Variants in RGS6 observed in about 807,000 individuals in gnomAD.
RGS6 encodes the protein regulator of G protein signaling 6.
RGS6 carries 30 observed loss-of-function variants against 78.5 expected under a neutral mutation model. That is an observed-to-expected ratio of 0.38 (90% CI 0.29 to 0.52). RGS6 has a LOEUF of 0.52. Ranked by LOEUF, RGS6 falls within the 20% of genes least tolerant of loss-of-function variation. The pLI is 0.85. For missense variants in RGS6, 495 were observed against 609.7 expected, an observed-to-expected ratio of 0.81 and a Z score of 1.98; for synonymous variants, 206 against 206.0, an observed-to-expected ratio of 1.00 and a Z score of 0.00.
Position 72,084,120 on chromosome 14 carries a change from A to G in RGS6, c.84+119245A>G, listed in dbSNP as rs142284053. Among the ~76,000 whole-genome samples, 5 of 152,234 alleles carry G rather than the reference A, an allele frequency of 3.3e-5. No individual in the cohort carries two copies. The South Asian group carries it at 6.2e-4, about 19-fold the overall frequency. ...CTAAGGACAAGTTTTGTGGAAGACA[A>G]TTTTTCCCTGGATCTTGAGGGGAGG... On this transcript the variant is annotated intron_variant, in intron 2 of 17. Coordinates refer to ENST00000553525, the MANE Select transcript of RGS6 (RefSeq NM_001204424.2).
At chr14:72,043,452 G>A (rs74063026) in intron 2 of RGS6, among the ~76,000 whole-genome samples, 6,647 of 149,780 alleles carry the variant, frequency 0.044, 181 homozygotes, top group African/African-American at 0.08. Flanking sequence ...CTCAGTTTTT[G>A]TTTGTATGAA....
At chr14:72,361,366 A>G (rs1234015519) in intron 3 of RGS6, among the ~76,000 whole-genome samples, 3 of 152,192 alleles carry the variant, frequency 2.0e-5, no homozygotes, top group African/African-American at 7.2e-5. Flanking sequence ...TAAGGATGAA[A>G]ACAAGAACAT....
intron 2 of RGS6, among the ~76,000 whole-genome samples, chr14:72,058,383 T>G (rs1452011960): frequency 1.3e-5 from 2 of 152,228 alleles, no homozygotes; most frequent in East Asian, 1.9e-4. Context: ...GCCTTTTTTT[T>G]GGTCATAAAA....
At chr14:72,614,410 A>G in the RGS6 span, among the ~76,000 whole-genome samples, 822 of 152,312 alleles carry the variant, frequency 5.4e-3, 12 homozygotes, top group African/African-American at 0.019. Context: ...CAGCAGGAAG[A>G]GGAGGAGCTC....
rs540891240 is a variant in RGS6 at position 72,080,611 on chromosome 14, C to A, written c.84+115736C>A. On this transcript the variant is annotated intron_variant, in intron 2 of 17. Coordinates refer to ENST00000553525, the MANE Select transcript of RGS6 (RefSeq NM_001204424.2). ...TATTGCCCAGACTAGTGTCTTGGAG[C>A]TTTTCCCCTGTGTTTTCTTCTAGTA... 1.6e-4 allele frequency among the ~76,000 whole-genome samples: 25 copies of A among 152,116 alleles called. 1 individual carries two copies. Among genetic ancestry groups the A allele is most frequent in the African/African-American group, 5.3e-4 (22 of 41,544 alleles).
chr14:71,893,156 G>A, the RGS6 span, among the ~76,000 whole-genome samples: 1 of 152,192 alleles, frequency 6.6e-6, no homozygotes, highest in Non-Finnish European at 1.5e-5. Flanking sequence ...GGTAGCATTT[G>A]AAAGTTCTAA....
chr14:71,907,811 G>C, the RGS6 span, among the ~76,000 whole-genome samples: 5 of 152,126 alleles, frequency 3.3e-5, no homozygotes, highest in Non-Finnish European at 7.4e-5. Flanking sequence ...AATCAACAGG[G>C]ATTGATGTTT....
intron 1 of RGS6, among the ~76,000 whole-genome samples, chr14:71,960,855 A>T (rs2093136117): frequency 6.6e-6 from 1 of 152,270 alleles, no homozygotes; most frequent in East Asian, 1.9e-4. Flanking sequence ...GCTTCTGCTC[A>T]TCTGTCACCT....
intron 2 of RGS6, among the ~76,000 whole-genome samples, chr14:71,984,151 G>C (rs2094580505): frequency 6.6e-6 from 1 of 152,090 alleles, no homozygotes; most frequent in Non-Finnish European, 1.5e-5. Flanking sequence ...TAGCTTGCTA[G>C]GTAAGTGGTA....
At chr14:72,455,334 T>C (rs1450117431) in intron 4 of RGS6, among the ~76,000 whole-genome samples, 1 of 152,222 alleles carries the variant, frequency 6.6e-6, no homozygotes, top group African/African-American at 2.4e-5. Context: ...TTAATGGACA[T>C]TGGCGTGATT....
chr14:72,530,071 C>A (rs1265282143), intron 15 of RGS6, among the ~76,000 whole-genome samples: 2 of 152,250 alleles, frequency 1.3e-5, no homozygotes, highest in Non-Finnish European at 2.9e-5. Flanking sequence ...ATGAACCAGG[C>A]TTTTCCCTCC....
upstream of RGS6, among the ~76,000 whole-genome samples, chr14:71,930,390 T>TTACA (rs2087787341): frequency 1.3e-5 from 2 of 152,248 alleles, no homozygotes; most frequent in South Asian, 4.2e-4. Flanking sequence ...CCTGTCTCTA[T>TTACA]TACATACATA....
chr14:71,915,460 T>C, the RGS6 span, among the ~76,000 whole-genome samples: 1 of 152,126 alleles, frequency 6.6e-6, no homozygotes, highest in Non-Finnish European at 1.5e-5. Context: ...GTGAGTTCCC[T>C]GGGTGGATTT....
chr14:72,220,680 C>T (rs1352943110), intron 2 of RGS6, among the ~76,000 whole-genome samples: 2 of 152,144 alleles, frequency 1.3e-5, no homozygotes, highest in South Asian at 2.1e-4. Context: ...AAAAATAAAA[C>T]AGGCTCAAGG....
chr14:72,067,107 T>G (rs1457576289), intron 2 of RGS6, among the ~76,000 whole-genome samples: 2 of 152,186 alleles, frequency 1.3e-5, no homozygotes, highest in African/African-American at 4.8e-5. Flanking sequence ...TTGTAAATAG[T>G]GCTGCAATAA....
intron 2 of RGS6, among the ~76,000 whole-genome samples, chr14:72,333,977 G>GTC (rs1026961956): frequency 6.6e-6 from 1 of 152,156 alleles, no homozygotes; most frequent in South Asian, 2.1e-4. Context: ...AGTGGAAGTT[G>GTC]TCTCTCTCTC....
rs556649852 is a variant in RGS6, at chr14:72,047,758, G to T, written c.84+82883G>T. On this transcript the variant is annotated intron_variant, in intron 2 of 17. Transcript: ENST00000553525. ...TTCTTTTTTTTTGAGATGGAATCTCGCTCTTGTCACCCAGGCTGGACTGCA... is the reference window on the plus strand; with the variant it reads ...TTCTTTTTTTTTGAGATGGAATCTCTCTCTTGTCACCCAGGCTGGACTGCA... Among the ~76,000 whole-genome samples, 14 of 151,792 alleles carry T rather than the reference G, an allele frequency of 9.2e-5. No homozygotes were observed. The East Asian group carries it at 2.1e-3, about 23-fold the overall frequency.
At chr14:72,174,616 G>A (rs2097079264) in intron 2 of RGS6, among the ~76,000 whole-genome samples, 1 of 152,162 alleles carries the variant, frequency 6.6e-6, no homozygotes, top group Non-Finnish European at 1.5e-5. Context: ...GCCAGTCCTG[G>A]AGTGGACCCA....
chr14:72,233,322 C>T (rs1392575291), intron 2 of RGS6, among the ~76,000 whole-genome samples: 5 of 152,108 alleles, frequency 3.3e-5, no homozygotes, highest in African/African-American at 9.7e-5. Flanking sequence ...GGGCTGGACT[C>T]GAAGACCTTT....
Sources: allele counts gnomAD v4.1 joint callset (sites outside exome capture counted in the v4.1 genomes callset), GRCh38; gene constraint gnomAD v4.1.1; transcripts MANE v1.5; gene names NCBI Gene and HGNC (gene_info 2026-07-23, HGNC 2026-07-21).